SGK3: variants seen among roughly 807,000 people sequenced by gnomAD.
SGK3 encodes the protein serum/glucocorticoid regulated kinase family member 3.
A neutral mutation model predicts 68.5 loss-of-function variants in SGK3; 47 were observed. The observed-to-expected ratio is 0.69, with a 90% CI of 0.54 to 0.87. The LOEUF (loss-of-function observed/expected upper bound fraction) is 0.87. Among genes scored for constraint, SGK3 ranks in the 40% least tolerant of loss-of-function variants. The pLI, the probability that SGK3 is intolerant of heterozygous loss-of-function variation, is 0.00. For missense variants in SGK3, 479 were observed against 575.5 expected, an observed-to-expected ratio of 0.83 and a Z score of 1.72; for synonymous variants, 181 against 189.1, an observed-to-expected ratio of 0.96 and a Z score of 0.35.
chr8:66,828,233 CATT>C (rs986160615), intron 6 of SGK3, among the ~76,000 whole-genome samples: 2 of 152,196 alleles, frequency 1.3e-5, no homozygotes, highest in Non-Finnish European at 2.9e-5. Context: ...TTGCAATCAT[CATT>C]GTCATCATCC....
chr8:66,808,860 A>G (rs1490291035), intron 4 of SGK3, among the ~76,000 whole-genome samples: 1 of 150,422 alleles, frequency 6.6e-6, no homozygotes, highest in African/African-American at 2.5e-5. Context: ...TGAAATAATT[A>G]TTTATTTATT....
intron 1 of SGK3, among the ~76,000 whole-genome samples, chr8:66,727,580 C>T (rs1212791771): frequency 1.3e-5 from 2 of 152,170 alleles, no homozygotes; most frequent in Non-Finnish European, 2.9e-5. Context: ...CTCACCAGGG[C>T]TCTGCCTTCG....
chr8:66,848,891 A>ACTG (rs1380263962), intron 15 of SGK3, among the ~76,000 whole-genome samples: 2 of 152,204 alleles, frequency 1.3e-5, no homozygotes, highest in Admixed American at 6.5e-5. Context: ...AATAGCCAGT[A>ACTG]GAATTGCTGG....
intron 5 of SGK3, among the ~76,000 whole-genome samples, chr8:66,814,310 A>G (rs1808495350): frequency 6.6e-6 from 1 of 152,208 alleles, no homozygotes; most frequent in Admixed American, 6.5e-5. Context: ...CTCCCAGTGT[A>G]GTGGGCAAAA....
intron 13 of SGK3, among the ~76,000 whole-genome samples, chr8:66,842,375 C>T (rs1809833781): frequency 6.6e-6 from 1 of 152,024 alleles, no homozygotes; most frequent in East Asian, 1.9e-4. Flanking sequence ...CGCCCGCCAC[C>T]ACGCCTGGCT....
intron 4 of SGK3, among the ~76,000 whole-genome samples, chr8:66,809,940 T>C (rs1318168572): frequency 2.0e-5 from 3 of 152,164 alleles, no homozygotes; most frequent in Non-Finnish European, 4.4e-5. Flanking sequence ...GCAGCTGGCT[T>C]CCCCAGAGTG....
chr8:66,717,229 AAAAAAAACAAAAAAAAAACG>A (rs1804661993), intron 1 of SGK3, among the ~76,000 whole-genome samples: 1 of 111,030 alleles, frequency 9.0e-6, no homozygotes, highest in African/African-American at 6.2e-5. Flanking sequence ...CAAAAAAAAC[AAAAAAAACAAAAAAAAAACG>A]CTGGGCTTGG....
chr8:66,840,390 G>C, intron 12 of SGK3, 143 bp downstream of exon 12: 1 of 857,964 alleles, frequency 1.2e-6, no homozygotes, highest in Non-Finnish European at 1.7e-6. Flanking sequence ...TAGGGATGGA[G>C]AACAGATTAG....
At chr8:66,778,755 T>A (rs1806829933) in intron 1 of SGK3, among the ~76,000 whole-genome samples, 1 of 152,118 alleles carries the variant, frequency 6.6e-6, no homozygotes, top group Non-Finnish European at 1.5e-5. Context: ...ATGAAGACAC[T>A]GAGGTCTGGA....
intron 1 of SGK3, among the ~76,000 whole-genome samples, chr8:66,789,568 T>C (rs1393005908): frequency 6.6e-6 from 1 of 152,342 alleles, no homozygotes; most frequent in East Asian, 1.9e-4. Context: ...GATAGACTTA[T>C]TCCCTGACAT....
intron 1 of SGK3, among the ~76,000 whole-genome samples, chr8:66,718,222 A>G (rs1042000997): frequency 1.3e-5 from 2 of 149,336 alleles, no homozygotes; most frequent in African/African-American, 4.9e-5. Context: ...ACAGGGTTTC[A>G]CCATGTTGGC....
intron 14 of SGK3, among the ~76,000 whole-genome samples, chr8:66,845,882 G>A (rs1297629096): frequency 6.6e-6 from 1 of 151,714 alleles, no homozygotes; most frequent in Non-Finnish European, 1.5e-5. Flanking sequence ...GTAAACTTCT[G>A]TATTGTTTGG....
chr8:66,721,851 A>G (rs1252792071), intron 1 of SGK3, among the ~76,000 whole-genome samples: 7 of 152,186 alleles, frequency 4.6e-5, no homozygotes, highest in South Asian at 4.1e-4. Context: ...GCAAAGTTCT[A>G]TCAGGCTTTA....
At chr8:66,856,160 C>T (rs1045387908) in intron 16 of SGK3, among the ~76,000 whole-genome samples, 5 of 151,962 alleles carry the variant, frequency 3.3e-5, no homozygotes, top group Non-Finnish European at 5.9e-5. Context: ...CTCCGCCTAC[C>T]GGGTTCAAGT....
At chr8:66,722,150 G>C (rs1047715385) in intron 1 of SGK3, among the ~76,000 whole-genome samples, 1 of 152,184 alleles carries the variant, frequency 6.6e-6, no homozygotes, top group African/African-American at 2.4e-5. Flanking sequence ...GCCTGTAAAG[G>C]TGCGTGGGCC....
chr8:66,850,751 G>A (rs1585813757), intron 15 of SGK3, 80 bp from the exon 16 acceptor site: 2 of 1,368,048 alleles, frequency 1.5e-6, no homozygotes, highest in Non-Finnish European at 2.0e-6. Flanking sequence ...AATAGTAATA[G>A]TTTGGCTTCA....
At chr8:66,831,415 TA>T in intron 8 of SGK3, 104 bp downstream of exon 8, 1 of 1,384,594 alleles carries the variant, frequency 7.2e-7, no homozygotes, top group Non-Finnish European at 1.0e-6. Flanking sequence ...GGTGCAGTCA[TA>T]GCACACTTGA....
rs574543107 is a variant in SGK3 at position 66,825,517 on chromosome 8, G to T, written c.417+3058G>T. Among the ~76,000 whole-genome samples, 21 of 152,058 alleles carry T rather than the reference G, an allele frequency of 1.4e-4. No homozygotes were observed. In the South Asian group the frequency reaches 2.5e-3, roughly 18 times the overall value. On this transcript the variant is annotated intron_variant, in intron 6 of 16. Transcript: ENST00000521198. ...CTAATTTTTTGTATTTTTTAGTAGA[G>T]ACGGGGTTTCACTGTATTAACCAGG...
intron 10 of SGK3, among the ~76,000 whole-genome samples, chr8:66,838,558 G>A (rs1035222178): frequency 8.5e-5 from 13 of 152,122 alleles, no homozygotes; most frequent in Admixed American, 4.6e-4. Context: ...AGATACCACT[G>A]CGAGCTCCCT....
Sources: allele counts gnomAD v4.1 joint callset (sites outside exome capture counted in the v4.1 genomes callset), GRCh38; gene constraint gnomAD v4.1.1; transcripts MANE v1.5; gene names NCBI Gene and HGNC (gene_info 2026-07-23, HGNC 2026-07-21).